Variants in CACNA1D observed in about 807,000 individuals in gnomAD.
CACNA1D encodes voltage-dependent L-type calcium channel subunit alpha-1D.
A neutral mutation model predicts 257.1 loss-of-function variants in CACNA1D; 55 were observed. That is an observed-to-expected ratio of 0.21 (90% CI 0.17 to 0.27). The LOEUF is 0.27. CACNA1D is among the 10% of genes least tolerant of loss of function. CACNA1D has a pLI of 1.00. For synonymous variants in CACNA1D, 980 were observed against 1,014.9 expected (o/e 0.97, Z 0.65); for missense variants, 1,876 against 2,784.0 (o/e 0.67, Z 7.34).
chr3:53,546,392 C>G (rs1469033953), intron 3 of CACNA1D, among the ~76,000 whole-genome samples: 1 of 152,154 alleles, frequency 6.6e-6, no homozygotes, highest in Admixed American at 6.5e-5. Flanking sequence ...TTCCCCAAAC[C>G]AAACTGTCCA....
chr3:53,713,541 T>TGA (rs1473642337), intron 9 of CACNA1D, among the ~76,000 whole-genome samples: 85 of 127,716 alleles, frequency 6.7e-4, no homozygotes, highest in South Asian at 4.6e-3. Flanking sequence ...TGTGTGTGTG[T>TGA]GTGAGAGATT....
At chr3:53,719,906 A>ACTGCAATTCAGT in intron 11 of CACNA1D, 125 bp downstream of exon 11, 1 of 899,174 alleles carries the variant, frequency 1.1e-6, no homozygotes, top group Non-Finnish European at 1.9e-6. Context: ...ATTGATACTG[A>ACTGCAATTCAGT]ATTGCAGTCA....
intron 8 of CACNA1D, among the ~76,000 whole-genome samples, chr3:53,685,003 T>C (rs766048914): frequency 4.7e-4 from 72 of 152,032 alleles, no homozygotes; most frequent in Non-Finnish European, 7.9e-4. Context: ...AAAGAACATA[T>C]AGTACCAACA....
intron 3 of CACNA1D, among the ~76,000 whole-genome samples, chr3:53,504,910 C>T (rs921540542): frequency 2.0e-4 from 30 of 152,022 alleles, no homozygotes; most frequent in Admixed American, 1.3e-4. Context: ...GAGTGTGGAA[C>T]TGCTTGAAAT....
chr3:53,775,763 CA>C (rs1344356895), intron 34 of CACNA1D, 122 bp from the exon 35 acceptor site: 2 of 954,426 alleles, frequency 2.1e-6, no homozygotes, highest in Non-Finnish European at 3.4e-6. Flanking sequence ...TCCATTAATT[CA>C]AATTGGATTT....
At position 53,747,186 on chromosome 3, in the gene CACNA1D, C is replaced by T. The variant is rs139884244; in HGVS notation, c.3168-116C>T. 1.3e-3 allele frequency: 955 copies of T among 738,412 alleles called. 12 individuals are homozygous for T. In the Admixed American group the frequency reaches 0.013, roughly 10 times the overall value. 45.7% of individuals were successfully genotyped at this position (738,412 alleles called of 1,614,324 possible). Reference sequence around the variant, plus strand: ...GTGTTATGCTCAGCTGTGTGACAGGCGGGCGGACTGAGTGTGACCTGCCTG... The same window carrying T: ...GTGTTATGCTCAGCTGTGTGACAGGTGGGCGGACTGAGTGTGACCTGCCTG... On this transcript the variant is annotated intron_variant, in intron 25 of 47. Coordinates refer to ENST00000350061, the MANE Select transcript of CACNA1D (RefSeq NM_001128840.3).
intron 29 of CACNA1D, among the ~76,000 whole-genome samples, chr3:53,757,084 T>C (rs961376664): frequency 3.3e-5 from 5 of 152,224 alleles, no homozygotes; most frequent in African/African-American, 7.2e-5. Flanking sequence ...GCAGAGCTGA[T>C]GCAGAATGGG....
intron 9 of CACNA1D, among the ~76,000 whole-genome samples, chr3:53,714,637 C>T (rs1343322063): frequency 6.6e-6 from 1 of 152,138 alleles, no homozygotes; most frequent in Non-Finnish European, 1.5e-5. Context: ...CTTTTTGGAA[C>T]TTGTTGATTT....
chr3:53,726,552 G>T (rs560261442), intron 14 of CACNA1D, among the ~76,000 whole-genome samples: 1 of 152,308 alleles, frequency 6.6e-6, no homozygotes, highest in East Asian at 1.9e-4. Flanking sequence ...CAGGAGAGTT[G>T]CTTGAACCGG....
At chr3:53,571,554 A>ATAAT (rs1349982022) in intron 3 of CACNA1D, among the ~76,000 whole-genome samples, 3 of 151,902 alleles carry the variant, frequency 2.0e-5, no homozygotes, top group African/African-American at 7.3e-5. Flanking sequence ...TAGGCCTTTC[A>ATAAT]TAATAGTCAT....
At chr3:53,546,435 A>G (rs772578071) in intron 3 of CACNA1D, among the ~76,000 whole-genome samples, 3 of 152,188 alleles carry the variant, frequency 2.0e-5, no homozygotes, top group Non-Finnish European at 2.9e-5. Context: ...GTCTATAGTC[A>G]TTAGTGATCA....
chr3:53,694,710 T>G (rs970586333), intron 8 of CACNA1D, among the ~76,000 whole-genome samples: 1 of 152,128 alleles, frequency 6.6e-6, no homozygotes, highest in Admixed American at 6.5e-5. Flanking sequence ...TGAGGGGCTT[T>G]TTTCTGTTAT....
intron 16 of CACNA1D, among the ~76,000 whole-genome samples, chr3:53,730,777 C>T (rs1291805586): frequency 6.6e-6 from 1 of 152,216 alleles, no homozygotes; most frequent in Admixed American, 6.5e-5. Context: ...GTGGGAGTCA[C>T]GTGTCCCCAT....
intron 3 of CACNA1D, among the ~76,000 whole-genome samples, chr3:53,581,167 T>C (rs1033730343): frequency 2.6e-5 from 4 of 152,236 alleles, no homozygotes; most frequent in African/African-American, 4.8e-5. Flanking sequence ...GCCTTGTACA[T>C]GTGTGAGGAC....
At chr3:53,796,282 G>T (rs564074446) in intron 40 of CACNA1D, 2 of 455,080 alleles carry the variant, frequency 4.4e-6, no homozygotes, top group East Asian at 1.4e-4. Context: ...TGGGGAACAG[G>T]CTCTGCCAGG....
At chr3:53,523,539 C>T (rs540619039) in intron 3 of CACNA1D, among the ~76,000 whole-genome samples, 35 of 152,346 alleles carry the variant, frequency 2.3e-4, no homozygotes, top group African/African-American at 6.7e-4. Flanking sequence ...TCTGGCGCTT[C>T]GCCATAGGCA....
At chr3:53,637,264 G>T (rs1329935128) in intron 3 of CACNA1D, among the ~76,000 whole-genome samples, 1 of 152,062 alleles carries the variant, frequency 6.6e-6, no homozygotes, top group Non-Finnish European at 1.5e-5. Flanking sequence ...AGATTCCAGG[G>T]GCCTGTAATG....
At chr3:53,803,887 A>G (rs986780469) in intron 44 of CACNA1D, among the ~76,000 whole-genome samples, 1 of 151,946 alleles carries the variant, frequency 6.6e-6, no homozygotes, top group Non-Finnish European at 1.5e-5. Context: ...GTCTTTGGAG[A>G]GATCAGTTTT....
intron 3 of CACNA1D, among the ~76,000 whole-genome samples, chr3:53,548,861 C>T (rs766306876): frequency 4.6e-5 from 7 of 152,232 alleles, no homozygotes; most frequent in Admixed American, 2.0e-4. Flanking sequence ...CAGAGGCAGA[C>T]GCTGAGTGGT....
Sources: gnomAD v4.1 joint callset for allele counts (sites outside exome capture counted in the v4.1 genomes callset) on GRCh38, gnomAD v4.1.1 for gene constraint, MANE v1.5 for transcripts, NCBI Gene and HGNC (gene_info 2026-07-23, HGNC 2026-07-21) for gene names.